Variants in LGSN observed in about 807,000 individuals in gnomAD.
LGSN encodes the protein lengsin.
A neutral mutation model predicts 19.5 loss-of-function variants in LGSN; 21 were observed. The ratio of observed to expected loss-of-function variants is 1.07; its 90% CI spans 0.76 to 1.55. The LOEUF is 1.55. LGSN is among the 40% of genes most tolerant of loss of function. The pLI, the probability that LGSN is intolerant of heterozygous loss-of-function variation, is 0.00. For missense variants in LGSN, 673 were observed against 608.5 expected, an observed-to-expected ratio of 1.11 and a Z score of -1.12; for synonymous variants, 257 against 215.6, an observed-to-expected ratio of 1.19 and a Z score of -1.68.
At chr6:63,481,855 G>T in the LGSN span, 13 of 263,064 alleles carry the variant, frequency 4.9e-5, no homozygotes, top group Admixed American at 2.4e-4. Flanking sequence ...GCAATCCATG[G>T]ATGTGGCTGC....
chr6:63,437,898 C>T, the LGSN span, among the ~76,000 whole-genome samples: 9 of 152,086 alleles, frequency 5.9e-5, no homozygotes, highest in African/African-American at 2.2e-4. Flanking sequence ...CCACTGCATT[C>T]CAGCCTTGGT....
chr6:63,362,120 T>C, the LGSN span, among the ~76,000 whole-genome samples: 2 of 152,218 alleles, frequency 1.3e-5, no homozygotes, highest in Admixed American at 1.3e-4. Context: ...TACCTTCTTC[T>C]GGAACATTCC....
intron 2 of LGSN, among the ~76,000 whole-genome samples, chr6:63,290,581 G>T: frequency 6.6e-6 from 1 of 152,216 alleles, no homozygotes; most frequent in Middle Eastern, 3.4e-3. Flanking sequence ...GGCAACCCTG[G>T]GTAGGTATTT....
the LGSN span, among the ~76,000 whole-genome samples, chr6:63,459,272 A>T: frequency 6.6e-6 from 1 of 152,152 alleles, no homozygotes; most frequent in South Asian, 2.1e-4. Context: ...TGAATACTCC[A>T]ATTCTGTCTA....
At chr6:63,459,785 G>C in the LGSN span, among the ~76,000 whole-genome samples, 5 of 152,094 alleles carry the variant, frequency 3.3e-5, no homozygotes, top group Non-Finnish European at 5.9e-5. Context: ...GTGGTTGTGG[G>C]TTCCTGTAAT....
At chr6:63,479,572 T>C in the LGSN span, among the ~76,000 whole-genome samples, 1 of 151,996 alleles carries the variant, frequency 6.6e-6, no homozygotes, top group Non-Finnish European at 1.5e-5. Context: ...ACCCCGTCTC[T>C]ACTAAAAACA....
At chr6:63,513,922 A>AC in the LGSN span, among the ~76,000 whole-genome samples, 5 of 146,500 alleles carry the variant, frequency 3.4e-5, no homozygotes, top group South Asian at 1.1e-3. Flanking sequence ...AAAAAAAAAA[A>AC]AAAAAAAAAA....
intron 1 of LGSN, among the ~76,000 whole-genome samples, chr6:63,308,080 T>G (rs1009849665): frequency 1.3e-5 from 2 of 152,196 alleles, no homozygotes; most frequent in East Asian, 3.8e-4. Context: ...GGAAGAATCA[T>G]GAGCGTAAGT....
chr6:63,418,923 C>T, the LGSN span, among the ~76,000 whole-genome samples: 2 of 150,104 alleles, frequency 1.3e-5, no homozygotes, highest in Non-Finnish European at 3.0e-5. Flanking sequence ...CTCTTCACAG[C>T]ATGAGGGGAA....
intron 3 of LGSN, among the ~76,000 whole-genome samples, chr6:63,283,770 G>A (rs767918154): frequency 2.6e-5 from 4 of 151,830 alleles, no homozygotes; most frequent in African/African-American, 4.8e-5. Flanking sequence ...GCGCGATCTC[G>A]GCTCACTGCA....
rs1257850024 is a variant in LGSN, at chr6:63,285,596, G to A, written c.321C>T (p.His107=). The A allele has an allele frequency of 1.2e-6, 2 of 1,612,454 alleles. No homozygotes were observed. The highest frequency in any genetic ancestry group is 1.1e-5 in the South Asian group (1 of 90,792). The part of the protein sequence containing the change: ...GVSRSKTIPA[H]FFQEKVSHGV... Reference sequence around the variant, plus strand: ...ACTGTGTAAAACTCACTTGAAAAAAGTGTGCAGGGATAGTCTTAGACCTGG... The same window carrying A: ...ACTGTGTAAAACTCACTTGAAAAAAATGTGCAGGGATAGTCTTAGACCTGG... The change falls in exon 3 of 4, where the codon CAC becomes CAT. Residue 107 remains histidine, a synonymous_variant. Transcript: ENST00000370657.
At chr6:63,400,453 C>T in the LGSN span, among the ~76,000 whole-genome samples, 3 of 152,166 alleles carry the variant, frequency 2.0e-5, no homozygotes, top group Non-Finnish European at 2.9e-5. Context: ...CAGGCCATCT[C>T]GCTAGATAAC....
the LGSN span, among the ~76,000 whole-genome samples, chr6:63,476,069 T>G: frequency 6.6e-6 from 1 of 152,196 alleles, no homozygotes; most frequent in African/African-American, 2.4e-5. Flanking sequence ...TGGTTTGGTT[T>G]TTTTGTTTGT....
intron 2 of LGSN, among the ~76,000 whole-genome samples, chr6:63,293,068 C>T (rs1465417821): frequency 2.0e-5 from 3 of 152,138 alleles, no homozygotes; most frequent in Non-Finnish European, 2.9e-5. Flanking sequence ...TGCAGTAGCA[C>T]AATCACAACT....
At chr6:63,421,315 G>A in the LGSN span, among the ~76,000 whole-genome samples, 3 of 152,170 alleles carry the variant, frequency 2.0e-5, no homozygotes, top group East Asian at 1.9e-4. Flanking sequence ...CCAGCTACTC[G>A]GGAGGCTGAG....
At chr6:63,515,817 G>A in the LGSN span, among the ~76,000 whole-genome samples, 4 of 152,048 alleles carry the variant, frequency 2.6e-5, no homozygotes, top group African/African-American at 9.7e-5. Flanking sequence ...GAAAGGAAAG[G>A]GAAAGGAAGG....
the LGSN span, among the ~76,000 whole-genome samples, chr6:63,331,441 G>A: frequency 4.6e-5 from 7 of 152,274 alleles, no homozygotes; most frequent in African/African-American, 1.7e-4. Flanking sequence ...CTTTTTCAGG[G>A]TTTGTGGGTC....
At chr6:63,503,751 C>T in the LGSN span, among the ~76,000 whole-genome samples, 1 of 152,174 alleles carries the variant, frequency 6.6e-6, no homozygotes, top group East Asian at 1.9e-4. Flanking sequence ...CCCGCCTCTA[C>T]TAAAAATACA....
At chr6:63,300,453 C>G (rs1711894) in intron 1 of LGSN, among the ~76,000 whole-genome samples, 7,555 of 152,042 alleles carry the variant, frequency 0.05, 622 homozygotes, top group African/African-American at 0.17. Flanking sequence ...CATCACTTGA[C>G]CCCAGGAATT....
Sources: gnomAD v4.1 joint callset for allele counts (sites outside exome capture counted in the v4.1 genomes callset) on GRCh38, gnomAD v4.1.1 for gene constraint, MANE v1.5 for transcripts, NCBI Gene and HGNC (gene_info 2026-07-23, HGNC 2026-07-21) for gene names.